Variants in F12 observed in about 807,000 individuals in gnomAD.
F12 encodes Hageman factor.
In F12, 70 loss-of-function variants were observed where a neutral mutation model predicts 74.8. That is an observed-to-expected ratio of 0.94 (90% confidence interval 0.77 to 1.14). The LOEUF is 1.14. Ranked by LOEUF, F12 falls within the 50% of genes most tolerant of loss-of-function variation. The pLI is 0.00. For missense variants in F12, 811 were observed against 835.7 expected (o/e 0.97, Z 0.36); for synonymous variants, 373 against 356.4 (o/e 1.05, Z -0.52).
In F12 at chr5:177,403,513, G is replaced by A; in HGVS notation, c.1355C>T (p.Ala452Val). The A allele has an allele frequency of 6.3e-6, 10 of 1,578,302 alleles. No homozygotes were observed. Among genetic ancestry groups the A allele is most frequent in the Non-Finnish European group, 8.6e-6 (10 of 1,166,020 alleles). ...LAVRSYRLHE[A>V]FSPVSYQHDL... ...GTGCTGGTAGCTGACGGGCGAGAAG[G>A]CCTCGTGCAAGCGGTAGGAGCGCAC... The change falls in exon 11 of 14, where the codon GCC (alanine) becomes GTC (valine). Residue 452 changes from alanine (A) to valine (V), a missense_variant. By Grantham distance (64) the Ala-to-Val change is moderately conservative (BLOSUM62 0). Coordinates refer to ENST00000253496, the MANE Select transcript of F12 (RefSeq NM_000505.4).
At chr5:177,405,273 G>T in intron 5 of F12, 50 bp downstream of exon 5, 1 of 1,613,438 alleles carries the variant, frequency 6.2e-7, no homozygotes, top group Non-Finnish European at 8.5e-7. Flanking sequence ...GTAGGCCCAG[G>T]GTTGCCCCTG....
intron 1 of F12, 90 bp downstream of exon 1, chr5:177,409,381 C>T: frequency 6.8e-7 from 1 of 1,475,914 alleles, no homozygotes; most frequent in Non-Finnish European, 9.4e-7. Context: ...CACCTGGACC[C>T]ACAGGTCATG....
At position 177,405,990 on chromosome 5, in the gene F12, G is replaced by A. The variant is rs776680390; in HGVS notation, c.187C>T (p.His63Tyr). The A allele has an allele frequency of 1.1e-5, 17 of 1,613,984 alleles. No individual in the cohort carries two copies. The Admixed American group carries it at 2.8e-4, about 27-fold the overall frequency. Residue 63 changes from histidine to tyrosine, a missense_variant, in exon 3 of 14, where the codon CAC becomes TAC. Coordinates refer to ENST00000253496, the MANE Select transcript of F12 (RefSeq NM_000505.4). ...GGCTGAGGGCCTGGCCGGCCCTTGTGGGTACATTTGTGGTACAGCTGCCGG... is the reference window on the plus strand; with the variant it reads ...GGCTGAGGGCCTGGCCGGCCCTTGTAGGTACATTTGTGGTACAGCTGCCGG... ...YHRQLYHKCT[H>Y]KGRPGPQPWC...
chr5:177,403,131 C>A, intron 12 of F12, 123 bp downstream of exon 12: 2 of 1,291,560 alleles, frequency 1.5e-6, no homozygotes, highest in Non-Finnish European at 2.2e-6. Context: ...TCTCACAACC[C>A]ATCAGGTCAG....
rs1207656924 is a variant in F12, at chr5:177,403,544, A to C, written c.1324T>G (p.Leu442Val). 1 of 1,598,336 alleles carries C rather than the reference A, an allele frequency of 6.3e-7. No individual in the cohort carries two copies. The highest frequency in any genetic ancestry group is 1.7e-5 in the Admixed American group (1 of 58,500). ...TGCAAGCGGTAGGAGCGCACGGCCA[A>C]CGTCTGGCACGGCTCACAGCTGTGG... ...RNHSCEPCQT[L>V]AVRSYRLHEA... Residue 442 changes from leucine to valine, a missense_variant, in exon 11 of 14, where the codon TTG becomes GTG. Coordinates refer to ENST00000253496, the MANE Select transcript of F12 (RefSeq NM_000505.4).
Position 177,404,607 on chromosome 5 carries a change from G to T in F12, c.692C>A (p.Thr231Asn), listed in dbSNP as rs769873552. The part of the protein sequence containing the change: ...RGLSYRGLAR[T>N]TLSGAPCQPW... ...CTGACAGGGCGCACCCGAGAGCGTG[G>T]TCCTGGCCAGGCCGCGGTAGCTGAG... The change falls in exon 8 of 14, where the codon ACC becomes AAC. Residue 231 changes from threonine (T) to asparagine (N), a missense_variant. By Grantham distance (65) the Thr-to-Asn change is moderately conservative. Transcript: ENST00000253496. 1 of 1,608,296 alleles carries T rather than the reference G, an allele frequency of 6.2e-7. No homozygotes were observed. Among genetic ancestry groups the T allele is most frequent in the South Asian group, 1.1e-5 (1 of 90,988 alleles).
In F12 at chr5:177,404,862, G is replaced by A. The variant is rs1173488950; in HGVS notation, c.582C>T (p.Gly194=). Residue 194 remains glycine, a synonymous_variant, in exon 7 of 14, where the codon GGC becomes GGT. Transcript: ENST00000253496. ...CCACCGGGCAGTGGCACAGGCGGTG[G>A]CCCTCCACCTCTAGGCAGCGACCCC... ...LHGGRCLEVE[G]HRLCHCPVGY... is the part of the protein sequence containing the mutation. The A allele has an allele frequency of 1.2e-6, 2 of 1,609,656 alleles. No individual in the cohort carries two copies. Among genetic ancestry groups the A allele is most frequent in the East Asian group, 4.5e-5 (2 of 44,740 alleles).
chr5:177,402,905 G>A, intron 12 of F12: 1 of 738,620 alleles, frequency 1.4e-6, no homozygotes, highest in East Asian at 2.7e-5. Context: ...GGGCGGAGCG[G>A]AAACAGAAAC....
intron 2 of F12, among the ~76,000 whole-genome samples, chr5:177,406,868 G>T (rs963260457): frequency 6.6e-6 from 1 of 152,196 alleles, no homozygotes; most frequent in African/African-American, 2.4e-5. Context: ...CCCAGTTAAG[G>T]TTCAACAAGG....
At position 177,402,597 on chromosome 5, in the gene F12, C is replaced by T. The variant is rs751037048; in HGVS notation, c.1633G>A (p.Gly545Ser). ...TCGAGGAACCCTGCGCAGAGCATGC[C>T]GGGGAGGATGGAGGATCCGTGCACG... Reference protein sequence around the residue: ...PDVHGSSILPGMLCAGFLEGG... With the variant: ...PDVHGSSILPSMLCAGFLEGG... Residue 545 changes from glycine (G) to serine (S), a missense_variant, in exon 13 of 14, where the codon GGC (glycine) becomes AGC (serine). Gly to Ser is a moderately conservative substitution (Grantham distance 56). Transcript: ENST00000253496. 1.9e-6 allele frequency: 3 copies of T among 1,613,116 alleles called. No homozygotes were observed. The highest frequency in any genetic ancestry group is 2.5e-6 in the Non-Finnish European group (3 of 1,179,946).
intron 3 of F12, 29 bp downstream of exon 3, chr5:177,405,933 C>G (rs1247747513): frequency 6.2e-7 from 1 of 1,609,568 alleles, no homozygotes; most frequent in Non-Finnish European, 8.5e-7. Context: ...CTCCCAGGCC[C>G]CTGCTCCAAC....
At position 177,404,317 on chromosome 5, in the gene F12, G is replaced by T. The variant is rs763868326; in HGVS notation, c.897C>A (p.Thr299=). The T allele has an allele frequency of 6.2e-7, 1 of 1,605,560 alleles. No homozygotes were observed. The highest frequency in any genetic ancestry group is 8.5e-7 in the Non-Finnish European group (1 of 1,175,770). The change falls in exon 9 of 14, where the codon ACC becomes ACA. Residue 299 remains threonine (T), a synonymous_variant. Transcript: ENST00000253496. ...ACACCGGGGTCGGAGGCGCCGCCTGGGTTGGGGTCTGGCACTGTGCCAGGT... is the reference window on the plus strand; with the variant it reads ...ACACCGGGGTCGGAGGCGCCGCCTGTGTTGGGGTCTGGCACTGTGCCAGGT... ...YCDLAQCQTP[T]QAAPPTPVSP...
At chr5:177,406,127 G>A (rs2127361186) in intron 2 of F12, 66 bp from the exon 3 acceptor site, 1 of 1,398,596 alleles carries the variant, frequency 7.2e-7, no homozygotes. Flanking sequence ...TGTCCCTCAG[G>A]GTCTGGTCAG....
At chr5:177,406,948 C>T (rs776153900) in intron 2 of F12, among the ~76,000 whole-genome samples, 4 of 152,124 alleles carry the variant, frequency 2.6e-5, no homozygotes, top group Non-Finnish European at 5.9e-5. Context: ...CTTAGTGCAA[C>T]GTTTTTCACA....
intron 2 of F12, among the ~76,000 whole-genome samples, chr5:177,408,808 G>A (rs1202173250): frequency 6.6e-6 from 1 of 152,254 alleles, no homozygotes; most frequent in East Asian, 1.9e-4. Context: ...CAGGAGCCCA[G>A]GTGTGATGGC....
intron 12 of F12, 124 bp downstream of exon 12, chr5:177,403,130 C>G (rs1763181589): frequency 1.3e-5 from 16 of 1,277,734 alleles, no homozygotes; most frequent in African/African-American, 1.5e-5. Flanking sequence ...TTCTCACAAC[C>G]CATCAGGTCA....
At chr5:177,405,862 T>C in intron 3 of F12, 57 bp from the exon 4 acceptor site, 1 of 1,604,314 alleles carries the variant, frequency 6.2e-7, no homozygotes, top group Non-Finnish European at 8.5e-7. Context: ...CACCCTGCCC[T>C]ATCACAGTCC....
chr5:177,404,832 G>A lies in F12; in HGVS notation c.612C>T (p.Tyr204=). ...GHRLCHCPVG[Y]TGAFCDVDTK... Reference sequence around the variant, plus strand: ...CACCCACGTCGCAGAAGGCTCCGGTGTAGCCCACCGGGCAGTGGCACAGGC... The same window carrying A: ...CACCCACGTCGCAGAAGGCTCCGGTATAGCCCACCGGGCAGTGGCACAGGC... Residue 204 remains tyrosine, a synonymous_variant, in exon 7 of 14, where the codon TAC becomes TAT. Coordinates refer to ENST00000253496, the MANE Select transcript of F12 (RefSeq NM_000505.4). 8 of 1,608,614 alleles carry A rather than the reference G, an allele frequency of 5.0e-6. No homozygotes were observed. The highest frequency in any genetic ancestry group is 6.8e-6 in the Non-Finnish European group (8 of 1,178,440).
intron 12 of F12, 42 bp from the exon 13 acceptor site, chr5:177,402,740 G>A (rs1763171586): frequency 6.2e-7 from 1 of 1,606,810 alleles, no homozygotes; most frequent in Non-Finnish European, 8.5e-7. Context: ...ATCTGACAAC[G>A]CTTGCCGCCC....
Sources: allele counts gnomAD v4.1 joint callset (sites outside exome capture counted in the v4.1 genomes callset), GRCh38; gene constraint gnomAD v4.1.1; transcripts MANE v1.5; gene names NCBI Gene and HGNC (gene_info 2026-07-23, HGNC 2026-07-21).